NDEL1: variants seen among roughly 807,000 people sequenced by gnomAD.
The protein encoded by NDEL1 is nuclear distribution protein nudE-like 1.
Under a neutral mutation model 45.7 loss-of-function variants are expected in NDEL1, and 9 were observed. The observed-to-expected ratio is 0.20, with a 90% CI of 0.12 to 0.34. The LOEUF (loss-of-function observed/expected upper bound fraction) is 0.34, where lower values mean the gene tolerates loss of function less well. Among genes scored for constraint, NDEL1 ranks in the 10% least tolerant of loss-of-function variants. The pLI, the probability that NDEL1 is intolerant of heterozygous loss-of-function variation, is 1.00. For synonymous variants in NDEL1, 133 were observed against 158.6 expected, an observed-to-expected ratio of 0.84 and a Z score of 1.21; for missense variants, 306 against 406.2, an observed-to-expected ratio of 0.75 and a Z score of 2.12.
intron 5 of NDEL1, 72 bp downstream of exon 5, chr17:8,448,758 T>C (rs959810129): frequency 1.4e-6 from 2 of 1,389,962 alleles, no homozygotes; most frequent in Non-Finnish European, 9.7e-7. Context: ...GGCCCACTTA[T>C]ACTCTGATTT....
intron 8 of NDEL1, among the ~76,000 whole-genome samples, chr17:8,462,296 T>TG (rs1360992830): frequency 1.6e-4 from 25 of 152,092 alleles, no homozygotes; most frequent in South Asian, 2.1e-4. Context: ...GTTGTGTGAG[T>TG]GTTTAGCTTA....
intron 8 of NDEL1, among the ~76,000 whole-genome samples, chr17:8,461,713 A>C (rs1267622578): frequency 6.6e-6 from 1 of 152,192 alleles, no homozygotes. Flanking sequence ...ATTTCCCCTG[A>C]ATGATATGGA....
In NDEL1 at chr17:8,435,961, C is replaced by G. The variant is rs752742156; in HGVS notation, c.-97C>G. 25 of 447,608 alleles carry G rather than the reference C, an allele frequency of 5.6e-5. No homozygotes were observed. Among genetic ancestry groups the G allele is most frequent in the Non-Finnish European group, 8.1e-5 (18 of 223,498 alleles). The allele number at this position is 447,608 out of a possible 1,614,324, so 27.7% of individuals were successfully genotyped here. A position where few individuals can be genotyped will look rare whatever the true frequency, so the allele number is the denominator to read the frequency against. The stretch of plus-strand genomic sequence containing the variant: ...TCGGGGCTGCGTAGGGGAGCTGAGC[C>G]GAGCGGCTGGGCGGGCCTGGCCGGG... On this transcript the variant is annotated 5_prime_UTR_variant, in exon 1 of 9. Transcript: ENST00000334527.
intron 1 of NDEL1, among the ~76,000 whole-genome samples, chr17:8,414,919 T>A (rs1908508436): frequency 6.6e-6 from 1 of 152,174 alleles, no homozygotes; most frequent in Non-Finnish European, 1.5e-5. Context: ...CAGTCTCTAT[T>A]ATCTATTAGA....
At chr17:8,424,650 C>T (rs1480634165) in intron 1 of NDEL1, among the ~76,000 whole-genome samples, 3 of 152,156 alleles carry the variant, frequency 2.0e-5, no homozygotes, top group Admixed American at 6.5e-5. Context: ...TACGGGCACC[C>T]GCCAACATGC....
intron 1 of NDEL1, among the ~76,000 whole-genome samples, chr17:8,414,527 C>T (rs765851406): frequency 3.3e-5 from 5 of 152,040 alleles, no homozygotes; most frequent in African/African-American, 9.7e-5. Context: ...ATTAGCCGGG[C>T]GTGGTGTTGG....
chr17:8,434,347 G>C (rs887456585), upstream of NDEL1, among the ~76,000 whole-genome samples: 4 of 152,208 alleles, frequency 2.6e-5, no homozygotes, highest in African/African-American at 9.6e-5. Flanking sequence ...CTCCGGAGTA[G>C]CTAGGATTAC....
At chr17:8,447,617 TACTG>T (rs1345347312) in intron 4 of NDEL1, among the ~76,000 whole-genome samples, 4 of 152,248 alleles carry the variant, frequency 2.6e-5, no homozygotes, top group Non-Finnish European at 4.4e-5. Context: ...TCTCTTTTAA[TACTG>T]ACTGATGAAT....
Position 8,445,816 on chromosome 17 carries a change from C to CT in NDEL1, c.194dup (p.Leu65PhefsTer4). ...TACAGGCTGAACAAAGAAATAGAGA[C>CT]TTGCAGGCTGATAACCAAAGACTGA... On this transcript the variant is annotated frameshift_variant, in exon 3 of 9. Transcript: ENST00000334527. LOFTEE classifies it high-confidence loss of function. 6.4e-7 allele frequency: 1 copy of CT among 1,571,502 alleles called. No homozygotes were observed. The highest frequency in any genetic ancestry group is 8.6e-7 in the Non-Finnish European group (1 of 1,163,890).
intron 1 of NDEL1, among the ~76,000 whole-genome samples, chr17:8,418,339 T>G (rs964457190): frequency 1.2e-4 from 19 of 152,360 alleles, no homozygotes; most frequent in African/African-American, 4.6e-4. Flanking sequence ...GTGACCAGCA[T>G]GGCAGGAGAC....
At chr17:8,455,015 A>G in intron 7 of NDEL1, 128 bp downstream of exon 7, 1 of 881,594 alleles carries the variant, frequency 1.1e-6, no homozygotes. Context: ...CTCAGAAGCA[A>G]AAGCATCCAT....
At chr17:8,463,447 A>T (rs1911360675) in intron 8 of NDEL1, 1 of 1,261,874 alleles carries the variant, frequency 7.9e-7, no homozygotes. Context: ...TACTAACTGC[A>T]TGGGGCTGAC....
chr17:8,423,921 A>G (rs944889215), intron 1 of NDEL1, among the ~76,000 whole-genome samples: 3 of 152,188 alleles, frequency 2.0e-5, no homozygotes, highest in Non-Finnish European at 4.4e-5. Flanking sequence ...ACAGATCCTA[A>G]ATCCATAGGC....
intron 6 of NDEL1, among the ~76,000 whole-genome samples, chr17:8,452,735 C>CTT (rs1474505868): frequency 2.7e-4 from 16 of 59,934 alleles, no homozygotes; most frequent in South Asian, 7.9e-4. Context: ...TTTTCTTTTT[C>CTT]TTCTCTTTTT....
At chr17:8,444,438 A>G in intron 2 of NDEL1, 81 bp downstream of exon 2, 2 of 921,878 alleles carry the variant, frequency 2.2e-6, no homozygotes, top group Non-Finnish European at 3.4e-6. Context: ...TCTTTTTAAC[A>G]TAAAGCTAAA....
intron 5 of NDEL1, among the ~76,000 whole-genome samples, chr17:8,450,176 C>G (rs1438767246): frequency 7.3e-5 from 11 of 151,586 alleles, no homozygotes; most frequent in Non-Finnish European, 1.6e-4. Flanking sequence ...GTAATCCCAG[C>G]TACTTGGGAG....
intron 4 of NDEL1, among the ~76,000 whole-genome samples, chr17:8,447,704 T>C (rs757600418): frequency 3.3e-5 from 5 of 152,220 alleles, no homozygotes; most frequent in Non-Finnish European, 5.9e-5. Context: ...TTGCCAAACT[T>C]TTATGCATGT....
chr17:8,435,406 GAACA>G (rs1473320956), upstream of NDEL1, among the ~76,000 whole-genome samples: 8 of 152,176 alleles, frequency 5.3e-5, no homozygotes, highest in Non-Finnish European at 1.2e-4. Context: ...AGGAAGATGA[GAACA>G]AATACAAAAT....
chr17:8,446,833 T>A lies in NDEL1; in HGVS notation c.320T>A (p.Ile107Asn). Reference sequence around the variant, plus strand: ...GATGATTTAAGTCAGACTCGGGCCATTAAGGAGCAGTTGCATAAGTATGTG... The same window carrying A: ...GATGATTTAAGTCAGACTCGGGCCAATAAGGAGCAGTTGCATAAGTATGTG... Reference protein sequence around the residue: ...LEDDLSQTRAIKEQLHKYVRE... With the variant: ...LEDDLSQTRANKEQLHKYVRE... Residue 107 changes from isoleucine to asparagine, a missense_variant, in exon 4 of 9, where the codon ATT becomes AAT. Around this residue, in one of 3 missense-constraint regions of NDEL1, gnomAD observed 112 missense variants for 148.3 expected, o/e 0.76. Coordinates refer to ENST00000334527, the MANE Select transcript of NDEL1 (RefSeq NM_030808.5). The A allele has an allele frequency of 1.2e-6, 2 of 1,614,190 alleles. No homozygotes were observed. Among genetic ancestry groups the A allele is most frequent in the Non-Finnish European group, 1.7e-6 (2 of 1,180,022 alleles).
Sources: allele counts gnomAD v4.1 joint callset (sites outside exome capture counted in the v4.1 genomes callset), GRCh38; gene constraint gnomAD v4.1.1; regional missense constraint gnomAD v4.1.1; transcripts MANE v1.5; gene names NCBI Gene and HGNC (gene_info 2026-07-23, HGNC 2026-07-21).